Variants in NAV2 observed in about 807,000 individuals in gnomAD.
NAV2 encodes neuron navigator 2, also known as helicase, APC down-regulated 1.
Under a neutral mutation model 223.2 loss-of-function variants are expected in NAV2, and 54 were observed. The observed-to-expected ratio is 0.24, with a 90% CI of 0.19 to 0.30. The LOEUF is 0.30. Among genes scored for constraint, NAV2 ranks in the 10% least tolerant of loss-of-function variants. The pLI, the probability that NAV2 is intolerant of heterozygous loss-of-function variation, is 1.00. For synonymous variants in NAV2, 1,279 were observed against 1,239.3 expected, an observed-to-expected ratio of 1.03 and a Z score of -0.67; for missense variants, 2,806 against 3,147.5, an observed-to-expected ratio of 0.89 and a Z score of 2.60.
rs2050021964 is a variant in NAV2, at chr11:19,713,611, T to C, written c.-85T>C. On this transcript the variant is annotated 5_prime_UTR_variant, in exon 1 of 38. Coordinates refer to ENST00000349880, the MANE Select transcript of NAV2 (RefSeq NM_145117.5). This position sits in a 1 kb window ranked among gnomAD's most constrained non-coding sequence, Gnocchi z 7.2. ...GCCTCGTGGGCTAAGGCCCGGCGCC[T>C]GCTCTGCTACCCGCGCTGCCTTTAG... 32 of 1,459,094 alleles carry C rather than the reference T, an allele frequency of 2.2e-5. No homozygotes were observed. The highest frequency in any genetic ancestry group is 2.9e-5 in the Non-Finnish European group (32 of 1,105,198). The allele number at this position is 1,459,094 out of a possible 1,614,324, so 90.4% of individuals were successfully genotyped here. A position where few individuals can be genotyped will look rare whatever the true frequency, so the allele number is the denominator to read the frequency against.
chr11:19,565,027 C>A (rs979087950), intron 1 of NAV2, among the ~76,000 whole-genome samples: 2 of 152,078 alleles, frequency 1.3e-5, no homozygotes, highest in Non-Finnish European at 2.9e-5. Flanking sequence ...CCCAGCTACT[C>A]GGGAGGCTGA....
At chr11:19,601,565 C>T (rs1036167013) in intron 1 of NAV2, among the ~76,000 whole-genome samples, 1 of 152,036 alleles carries the variant, frequency 6.6e-6, no homozygotes, top group Admixed American at 6.5e-5. Flanking sequence ...ACATGGTACC[C>T]CATCTGGTAA....
chr11:19,431,261 G>T (rs1456006427), intron 1 of NAV2, among the ~76,000 whole-genome samples: 1 of 152,198 alleles, frequency 6.6e-6, no homozygotes, highest in East Asian at 1.9e-4. Context: ...GCTTCCTGGA[G>T]CAAGAAGGTA....
intron 1 of NAV2, among the ~76,000 whole-genome samples, chr11:19,481,286 A>G (rs1399708997): frequency 6.6e-6 from 1 of 152,134 alleles, no homozygotes; most frequent in Admixed American, 6.5e-5. Context: ...GCCTGGGCTT[A>G]TGAACTGTGG....
intron 1 of NAV2, among the ~76,000 whole-genome samples, chr11:19,562,614 G>A (rs1417493794): frequency 6.6e-6 from 1 of 152,154 alleles, no homozygotes; most frequent in Non-Finnish European, 1.5e-5. Flanking sequence ...GGCTTGCCCA[G>A]AGCTGGCTGA....
intron 1 of NAV2, among the ~76,000 whole-genome samples, chr11:19,823,247 G>T (rs932852705): frequency 2.0e-4 from 31 of 151,990 alleles, no homozygotes; most frequent in Non-Finnish European, 4.4e-5. Flanking sequence ...CACTTTTGTC[G>T]CTCAGGCTGG....
intron 3 of NAV2, among the ~76,000 whole-genome samples, chr11:19,859,720 G>A (rs1301551749): frequency 6.6e-6 from 1 of 151,738 alleles, no homozygotes; most frequent in Non-Finnish European, 1.5e-5. Context: ...GGGGTGGCCG[G>A]GCAGAGGCGC....
At chr11:20,112,216 C>T (rs1213685747) in intron 36 of NAV2, among the ~76,000 whole-genome samples, 1 of 152,218 alleles carries the variant, frequency 6.6e-6, no homozygotes, top group Non-Finnish European at 1.5e-5. Context: ...CACATGCCCA[C>T]ATACACACAA....
At chr11:19,870,123 T>A (rs1234218734) in intron 4 of NAV2, among the ~76,000 whole-genome samples, 1 of 152,168 alleles carries the variant, frequency 6.6e-6, no homozygotes, top group Non-Finnish European at 1.5e-5. Context: ...GCCACACTGC[T>A]TCCAGAGTTC....
rs182657082 is a variant in NAV2 at position 19,507,529 on chromosome 11, T to C, written c.75+156502T>C. 1.7e-3 allele frequency among the ~76,000 whole-genome samples: 258 copies of C among 152,348 alleles called. 1 individual carries two copies. The highest frequency in any genetic ancestry group is 4.3e-3 in the African/African-American group (179 of 41,582). On this transcript the variant is annotated intron_variant, in intron 1 of 37. Coordinates refer to the NAV2 transcript ENST00000360655. ...TTGGAGCCTGGGTTTGAATCTGCAC[T>C]GTGTCACTAAATAGCTGCATCACTT...
intron 1 of NAV2, among the ~76,000 whole-genome samples, chr11:19,391,707 G>C (rs1849255831): frequency 6.6e-6 from 1 of 152,024 alleles, no homozygotes. Context: ...AACTGGGGGG[G>C]ATGGATTTCA....
At chr11:19,590,261 G>A (rs555193805) in intron 1 of NAV2, among the ~76,000 whole-genome samples, 12 of 152,286 alleles carry the variant, frequency 7.9e-5, no homozygotes, top group African/African-American at 2.6e-4. Context: ...ATTATGATAC[G>A]ATGATGGTGT....
intron 1 of NAV2, among the ~76,000 whole-genome samples, chr11:19,784,578 A>G (rs992719889): frequency 2.0e-5 from 3 of 152,046 alleles, no homozygotes; most frequent in African/African-American, 7.3e-5. Context: ...TGATAATTGC[A>G]TTCCCTTTGA....
intron 1 of NAV2, among the ~76,000 whole-genome samples, chr11:19,449,904 C>T (rs989854737): frequency 6.2e-5 from 9 of 144,152 alleles, no homozygotes; most frequent in African/African-American, 1.0e-4. Context: ...TGGCTTCATT[C>T]GGTTATGGTG....
intron 1 of NAV2, among the ~76,000 whole-genome samples, chr11:19,374,830 T>C (rs756998178): frequency 2.0e-5 from 3 of 152,226 alleles, no homozygotes; most frequent in Non-Finnish European, 2.9e-5. Context: ...TATTACTCAA[T>C]GCCTCTCCTA....
rs750917443 is a variant in NAV2, at chr11:19,645,841, A to T, written c.76-186643A>T. 4.3e-4 allele frequency among the ~76,000 whole-genome samples: 66 copies of T among 152,286 alleles called. 1 individual carries two copies. Among genetic ancestry groups the T allele is most frequent in the Middle Eastern group, 3.4e-3 (1 of 294 alleles). ...ACAACGCTGGTTGGATGAGGTGGAAACTAGTATTTTACAGCTGAGTAAAAC... is the reference window on the plus strand; with the variant it reads ...ACAACGCTGGTTGGATGAGGTGGAATCTAGTATTTTACAGCTGAGTAAAAC... On this transcript the variant is annotated intron_variant, in intron 1 of 37. Transcript: ENST00000360655.
At chr11:19,674,090 C>T (rs1337706284) in intron 1 of NAV2, among the ~76,000 whole-genome samples, 1 of 152,184 alleles carries the variant, frequency 6.6e-6, no homozygotes, top group Non-Finnish European at 1.5e-5. Context: ...CCAAGTGCCT[C>T]TGGCCTGGGT....
intron 20 of NAV2, among the ~76,000 whole-genome samples, chr11:20,063,870 G>A (rs2058868927): frequency 6.6e-6 from 1 of 152,112 alleles, no homozygotes; most frequent in Non-Finnish European, 1.5e-5. Flanking sequence ...TGGAAAATAA[G>A]AGGACACCCC....
At chr11:19,545,926 G>A (rs867591495) in intron 1 of NAV2, among the ~76,000 whole-genome samples, 38 of 152,238 alleles carry the variant, frequency 2.5e-4, no homozygotes, top group South Asian at 4.1e-4. Flanking sequence ...TATTTGTATT[G>A]TATTGTAGTT....
Sources: allele counts gnomAD v4.1 joint callset (sites outside exome capture counted in the v4.1 genomes callset), GRCh38; gene constraint gnomAD v4.1.1; non-coding constraint Gnocchi (gnomAD v3.1); transcripts MANE v1.5; gene names NCBI Gene and HGNC (gene_info 2026-07-23, HGNC 2026-07-21).